The following KRT6C variants were observed in gnomAD, a reference collection of about 807,000 sequenced individuals.
KRT6C encodes keratin 6C, also known as keratin, type II cytoskeletal 6C.
A neutral mutation model predicts 49.4 loss-of-function variants in KRT6C; 46 were observed. The ratio of observed to expected loss-of-function variants is 0.93; its 90% confidence interval spans 0.74 to 1.19. The LOEUF (loss-of-function observed/expected upper bound fraction) is 1.19, where lower values mean the gene tolerates loss of function less well. Among genes scored for constraint, KRT6C ranks in the 50% most tolerant of loss-of-function variants. KRT6C has a pLI of 0.00. For synonymous variants in KRT6C, 236 were observed against 297.1 expected, an observed-to-expected ratio of 0.79 and a Z score of 2.12; for missense variants, 552 against 737.5, an observed-to-expected ratio of 0.75 and a Z score of 2.91.
rs1592176522 is a variant in KRT6C at position 52,469,841 on chromosome 12, A to G, written c.1253T>C (p.Met418Thr). ...AIADAEQRGEMALKDAKNKLE... is the reference protein window; with the variant it reads ...AIADAEQRGETALKDAKNKLE... ...CTTGTTCTTAGCATCCTTGAGTGCC[A>G]TCTCCCCACGCTGCTCAGCATCAGC... Residue 418 changes from methionine (M) to threonine (T), a missense_variant, in exon 7 of 9, where the codon ATG (methionine) becomes ACG (threonine). By Grantham distance (81) the Met-to-Thr change is moderately conservative (BLOSUM62 -1). Coordinates refer to ENST00000252250, the MANE Select transcript of KRT6C (RefSeq NM_173086.5). 2.5e-6 allele frequency: 4 copies of G among 1,614,066 alleles called. No homozygotes were observed. Among genetic ancestry groups the G allele is most frequent in the Non-Finnish European group, 3.4e-6 (4 of 1,179,998 alleles).
In KRT6C at chr12:52,469,745, T is replaced by C; in HGVS notation, c.1349A>G (p.Glu450Gly). Residue 450 changes from glutamate to glycine, a missense_variant, in exon 7 of 9, where the codon GAG (glutamate) becomes GGG (glycine). Glu to Gly is a moderately conservative substitution (Grantham distance 98). Around this residue, in one of 3 missense-constraint regions of KRT6C, gnomAD observed 425 missense variants for 439.4 expected, o/e 0.97. Transcript: ENST00000252250. Reference sequence around the variant, plus strand: ...CAGGGCCAGCTTGACATTCATCAGCTCCTGGTACTCCTTCAGCAGCCGGGC... The same window carrying C: ...CAGGGCCAGCTTGACATTCATCAGCCCCTGGTACTCCTTCAGCAGCCGGGC... The part of the protein sequence containing the change: ...DLARLLKEYQ[E>G]LMNVKLALDV... 1.2e-6 allele frequency: 2 copies of C among 1,614,090 alleles called. No individual in the cohort carries two copies. Among genetic ancestry groups the C allele is most frequent in the Non-Finnish European group, 1.7e-6 (2 of 1,179,996 alleles).
At chr12:52,469,588 C>A in intron 7 of KRT6C, 82 bp downstream of exon 7, 5 of 1,613,274 alleles carry the variant, frequency 3.1e-6, no homozygotes, top group Non-Finnish European at 4.2e-6. Context: ...CGGCCATGAG[C>A]AGTGCACCCT....
chr12:52,468,805 A>C lies in KRT6C; in HGVS notation c.*257T>G. The C allele has an allele frequency of 1.9e-6, 1 of 532,966 alleles. No individual in the cohort carries two copies. The highest frequency in any genetic ancestry group is 3.3e-6 in the Non-Finnish European group (1 of 299,402). The allele number at this position is 532,966 out of a possible 1,614,324, so 33.0% of individuals were successfully genotyped here. A position where few individuals can be genotyped will look rare whatever the true frequency, so the allele number is the denominator to read the frequency against. Reference sequence around the variant, plus strand: ...ACAATTTTGGAGGCAAGAAATTAATAATTTAGTAACAAAGTGAAGCTCCAT... The same window carrying C: ...ACAATTTTGGAGGCAAGAAATTAATCATTTAGTAACAAAGTGAAGCTCCAT... On this transcript the variant is annotated 3_prime_UTR_variant, in exon 9 of 9. Transcript: ENST00000252250.
rs145298750 is a variant in KRT6C, at chr12:52,469,303, G to A, written c.1460-6C>T. ...GATGGTGGACTGTACTACAGCTGTG[G>A]TGGGGAGGGGACAAGGACACAAGAA... On this transcript the variant is annotated splice_polypyrimidine_tract_variant and splice_region_variant and intron_variant, in intron 8 of 8. Coordinates refer to ENST00000252250, the MANE Select transcript of KRT6C (RefSeq NM_173086.5). 1.0e-4 allele frequency: 168 copies of A among 1,613,946 alleles called. No individual in the cohort carries two copies. The highest frequency in any genetic ancestry group is 7.9e-4 in the African/African-American group (59 of 75,056).
In KRT6C at chr12:52,470,876, A is replaced by T. The variant is rs1937866450; in HGVS notation, c.1078-246T>A. ...GAAATATTCTGTACCAATTTCTAAA[A>T]GTCAGCAATCAGGGTGAAGATAAAT... is the stretch of plus-strand genomic sequence containing the variant. On this transcript the variant is annotated intron_variant, in intron 5 of 8. Transcript: ENST00000252250. 1.3e-5 allele frequency among the ~76,000 whole-genome samples: 2 copies of T among 152,196 alleles called. 1 individual carries two copies. The highest frequency in any genetic ancestry group is 2.9e-5 in the Non-Finnish European group (2 of 68,036).
intron 5 of KRT6C, among the ~76,000 whole-genome samples, chr12:52,470,896 A>G (rs1055937598): frequency 1.3e-5 from 2 of 152,208 alleles, no homozygotes; most frequent in Non-Finnish European, 2.9e-5. Flanking sequence ...CAGGGTGAAG[A>G]TAAATGCAGA....
Position 52,471,112 on chromosome 12 carries a change from GC to G in KRT6C, c.1077+19del. The G allele has an allele frequency of 6.2e-7, 1 of 1,614,180 alleles. No homozygotes were observed. Among genetic ancestry groups the G allele is most frequent in the Non-Finnish European group, 8.5e-7 (1 of 1,180,030 alleles). ...GGATGGACACAAGGATTCCTCAGCAGCTGCCCACTCCCTGCTCACCTTGGTC... is the reference window on the plus strand; with the variant it reads ...GGATGGACACAAGGATTCCTCAGCAGTGCCCACTCCCTGCTCACCTTGGTC... On this transcript the variant is annotated intron_variant, in intron 5 of 8. Transcript: ENST00000252250.
intron 7 of KRT6C, 73 bp from the exon 8 acceptor site, chr12:52,469,518 G>C (rs1473873539): frequency 6.2e-7 from 1 of 1,613,496 alleles, no homozygotes; most frequent in East Asian, 2.2e-5. Flanking sequence ...GGGCAGCCTC[G>C]GTGGGTGGAA....
Position 52,468,953 on chromosome 12 carries a change from G to A in KRT6C, c.*109C>T, listed in dbSNP as rs1177705982. Reference sequence around the variant, plus strand: ...AAGCATCCATACCCAGCTCTACCTCGGAGAGCAGGGAAGACTAGAGGCCAG... The same window carrying A: ...AAGCATCCATACCCAGCTCTACCTCAGAGAGCAGGGAAGACTAGAGGCCAG... On this transcript the variant is annotated 3_prime_UTR_variant, in exon 9 of 9. Coordinates refer to ENST00000252250, the MANE Select transcript of KRT6C (RefSeq NM_173086.5). The A allele has an allele frequency of 8.5e-6, 12 of 1,418,980 alleles. No homozygotes were observed. The highest frequency in any genetic ancestry group is 7.4e-5 in the South Asian group (6 of 81,258). 87.9% of individuals were successfully genotyped at this position (1,418,980 alleles called of 1,614,324 possible).
chr12:52,469,705 G>A lies in KRT6C; in HGVS notation c.1389C>T (p.Ala463=), dbSNP rs1157541966. 1.2e-6 allele frequency: 2 copies of A among 1,614,124 alleles called. No individual in the cohort carries two copies. The highest frequency in any genetic ancestry group is 1.7e-6 in the Non-Finnish European group (2 of 1,179,996). The change falls in exon 7 of 9, where the codon GCC becomes GCT. Residue 463 remains alanine, a synonymous_variant. Transcript: ENST00000252250. ...NVKLALDVEI[A]TYRKLLEGEE... is the part of the protein sequence containing the mutation. ...CGCCCTCCAGCAGCTTGCGGTAGGT[G>A]GCGATCTCCACATCCAGGGCCAGCT...
chr12:52,471,753 G>A (rs1288105974), intron 2 of KRT6C, 21 bp from the exon 3 acceptor site: 1 of 1,613,800 alleles, frequency 6.2e-7, no homozygotes, highest in Admixed American at 1.7e-5. Context: ...AAAGGCATAG[G>A]ACACATATGA....
intron 1 of KRT6C, among the ~76,000 whole-genome samples, chr12:52,472,743 T>G (rs1592178234): frequency 7.3e-6 from 1 of 137,092 alleles, no homozygotes; most frequent in Middle Eastern, 3.8e-3. Context: ...TTAAAATTAA[T>G]TAGCATTTAT....
At chr12:52,469,497 T>G in intron 7 of KRT6C, 52 bp from the exon 8 acceptor site, 1 of 1,613,868 alleles carries the variant, frequency 6.2e-7, no homozygotes, top group Non-Finnish European at 8.5e-7. Flanking sequence ...CTTCCTTCCC[T>G]GGACCAGTGT....
chr12:52,469,016 A>C lies in KRT6C; in HGVS notation c.*46T>G. ...AACCTGAGGAGACGGCTCTGCAGCC[A>C]GAGAAGGGCCTGAGGACTGTGGGAC... On this transcript the variant is annotated 3_prime_UTR_variant, in exon 9 of 9. Transcript: ENST00000252250. The C allele has an allele frequency of 1.2e-6, 2 of 1,613,050 alleles. No individual in the cohort carries two copies. Among genetic ancestry groups the C allele is most frequent in the Non-Finnish European group, 8.5e-7 (1 of 1,179,244 alleles).
At chr12:52,471,356 C>T in intron 4 of KRT6C, 60 bp from the exon 5 acceptor site, 1 of 1,614,168 alleles carries the variant, frequency 6.2e-7, no homozygotes, top group East Asian at 2.2e-5. Flanking sequence ...GATACCCAAC[C>T]CTATACATCT....
rs583678 is a variant in KRT6C, at chr12:52,468,830, T to G, written c.*232A>C. ...AATTTAGTAACAAAGTGAAGCTCCATTGGTGAATACATTATGATGTAAAAT... is the reference window on the plus strand; with the variant it reads ...AATTTAGTAACAAAGTGAAGCTCCAGTGGTGAATACATTATGATGTAAAAT... On this transcript the variant is annotated 3_prime_UTR_variant, in exon 9 of 9. Coordinates refer to ENST00000252250, the MANE Select transcript of KRT6C (RefSeq NM_173086.5). 353,838 of 586,774 alleles carry G rather than the reference T, an allele frequency of 0.6. 107,845 individuals carry two copies. The highest frequency in any genetic ancestry group is 0.73 in the East Asian group (25,756 of 35,504). 36.3% of individuals were successfully genotyped at this position (586,774 alleles called of 1,614,324 possible).
rs773109867 is a variant in KRT6C, at chr12:52,472,085, C to G, written c.736G>C (p.Val246Leu). 1 of 1,597,258 alleles carries G rather than the reference C, an allele frequency of 6.3e-7. No homozygotes were observed. Among genetic ancestry groups the G allele is most frequent in the Non-Finnish European group, 8.5e-7 (1 of 1,174,302 alleles). Residue 246 changes from valine to leucine, a missense_variant, in exon 2 of 9, where the codon GTG becomes CTG. Val to Leu is a conservative substitution (Grantham distance 32). Coordinates refer to ENST00000252250, the MANE Select transcript of KRT6C (RefSeq NM_173086.5). Reference protein sequence around the residue: ...DSELRNMQDLVEDLKNKYEDE... With the variant: ...DSELRNMQDLLEDLKNKYEDE... ...CCTCACTTGTTCTTGAGGTCCTCCACCAGGTCCTGCATGTTTCTCAGCTCC... is the reference window on the plus strand; with the variant it reads ...CCTCACTTGTTCTTGAGGTCCTCCAGCAGGTCCTGCATGTTTCTCAGCTCC...
intron 1 of KRT6C, 52 bp downstream of exon 1, chr12:52,473,146 T>C (rs149746641): frequency 0.35 from 459,416 of 1,330,370 alleles, 146,633 homozygotes; most frequent in Admixed American, 0.54. Flanking sequence ...GGTGTTGCTC[T>C]TCTGGTCTGG....
intron 2 of KRT6C, 152 bp from the exon 3 acceptor site, chr12:52,471,884 A>T: frequency 7.5e-7 from 1 of 1,325,234 alleles, no homozygotes; most frequent in Non-Finnish European, 1.1e-6. Flanking sequence ...CTACTACTAA[A>T]TTTGCCACTT....
Sources: gnomAD v4.1 joint callset for allele counts (sites outside exome capture counted in the v4.1 genomes callset) on GRCh38, gnomAD v4.1.1 for gene constraint, gnomAD v4.1.1 regional missense constraint, MANE v1.5 for transcripts, NCBI Gene and HGNC (gene_info 2026-07-23, HGNC 2026-07-21) for gene names.